The following DTWD2 variants were observed in gnomAD, a reference collection of about 807,000 sequenced individuals.
DTWD2 encodes tRNA-uridine aminocarboxypropyltransferase 2.
DTWD2 carries 39 observed loss-of-function variants against 31.8 expected under a neutral mutation model. The ratio of observed to expected loss-of-function variants is 1.22; its 90% CI spans 0.95 to 1.60. DTWD2 has a LOEUF of 1.60. Ranked by LOEUF, DTWD2 falls within the 40% of genes most tolerant of loss-of-function variation. The probability of loss-of-function intolerance (pLI) is 0.00; values close to 1 mark genes in which losing one functional copy is unlikely to be tolerated. For missense variants in DTWD2, 515 were observed against 381.5 expected (o/e 1.35, Z -2.92); for synonymous variants, 180 against 142.8 (o/e 1.26, Z -1.86).
chr5:118,896,006 C>T (rs571717034), intron 4 of DTWD2, among the ~76,000 whole-genome samples: 23 of 152,106 alleles, frequency 1.5e-4, no homozygotes, highest in African/African-American at 5.5e-4. Flanking sequence ...ATGTCATTTG[C>T]TGCTATTAAT....
intron 1 of DTWD2, among the ~76,000 whole-genome samples, chr5:118,980,637 A>C (rs1325167836): frequency 2.0e-5 from 3 of 152,266 alleles, no homozygotes; most frequent in Non-Finnish European, 4.4e-5. Context: ...TAAGATGGGC[A>C]TAATAAAATG....
intron 1 of DTWD2, among the ~76,000 whole-genome samples, chr5:118,957,171 A>G (rs1754605474): frequency 6.6e-6 from 1 of 152,166 alleles, no homozygotes; most frequent in African/African-American, 2.4e-5. Context: ...AGATTCTCTT[A>G]TAACTGGCTT....
chr5:118,854,482 A>G (rs1752085713), intron 4 of DTWD2, among the ~76,000 whole-genome samples: 1 of 152,062 alleles, frequency 6.6e-6, no homozygotes. Flanking sequence ...TTATGCCTCA[A>G]TTTAAAGTGA....
At chr5:118,954,800 C>T (rs1175613075) in intron 1 of DTWD2, among the ~76,000 whole-genome samples, 11 of 152,172 alleles carry the variant, frequency 7.2e-5, no homozygotes, top group Admixed American at 5.9e-4. Flanking sequence ...AAGTTACAGG[C>T]GTGAGCCACC....
intron 1 of DTWD2, among the ~76,000 whole-genome samples, chr5:118,968,515 C>T (rs986726684): frequency 6.6e-6 from 1 of 152,124 alleles, no homozygotes; most frequent in African/African-American, 2.4e-5. Flanking sequence ...GGTGGGGAGA[C>T]GGCCCCTTCT....
At chr5:118,845,932 A>G (rs921110379) in intron 5 of DTWD2, among the ~76,000 whole-genome samples, 4 of 152,314 alleles carry the variant, frequency 2.6e-5, no homozygotes, top group Middle Eastern at 3.4e-3. Context: ...TATGTCATCA[A>G]TAAATGCCTC....
At chr5:118,985,369 C>A (rs141217840) in intron 1 of DTWD2, among the ~76,000 whole-genome samples, 42 of 151,710 alleles carry the variant, frequency 2.8e-4, no homozygotes, top group African/African-American at 9.9e-4. Context: ...CTCCACCATA[C>A]AAACTTAGGG....
At chr5:118,912,336 A>G (rs760707211) in intron 4 of DTWD2, among the ~76,000 whole-genome samples, 6 of 152,226 alleles carry the variant, frequency 3.9e-5, no homozygotes, top group Non-Finnish European at 8.8e-5. Flanking sequence ...AGAACTGTAC[A>G]TAAGATAGAA....
intron 1 of DTWD2, among the ~76,000 whole-genome samples, chr5:118,985,823 CT>C (rs1755414553): frequency 6.6e-6 from 1 of 152,016 alleles, no homozygotes; most frequent in Non-Finnish European, 1.5e-5. Flanking sequence ...TCAGAAAACA[CT>C]TTTTGCTGTT....
chr5:118,952,257 A>C (rs1000855830), intron 1 of DTWD2, among the ~76,000 whole-genome samples: 1 of 152,222 alleles, frequency 6.6e-6, no homozygotes, highest in Admixed American at 6.5e-5. Flanking sequence ...AATCCGAGTC[A>C]CGGCACCAAA....
intron 4 of DTWD2, among the ~76,000 whole-genome samples, chr5:118,869,103 G>C (rs1190767848): frequency 2.0e-5 from 3 of 152,048 alleles, no homozygotes; most frequent in Admixed American, 1.3e-4. Context: ...AAGAGAAAAA[G>C]AGTTGCGAAA....
chr5:118,895,480 T>C (rs970364525), intron 4 of DTWD2, among the ~76,000 whole-genome samples: 1 of 152,118 alleles, frequency 6.6e-6, no homozygotes, highest in Non-Finnish European at 1.5e-5. Flanking sequence ...CAAATACTAA[T>C]GACATTCTTC....
intron 4 of DTWD2, among the ~76,000 whole-genome samples, chr5:118,919,435 G>T (rs1205270629): frequency 6.6e-6 from 1 of 152,126 alleles, no homozygotes; most frequent in Non-Finnish European, 1.5e-5. Flanking sequence ...GCTTCTTTAG[G>T]TCTACCACCT....
chr5:118,975,481 A>G (rs898944379), intron 1 of DTWD2, among the ~76,000 whole-genome samples: 1 of 152,076 alleles, frequency 6.6e-6, no homozygotes, highest in Non-Finnish European at 1.5e-5. Flanking sequence ...ATGCTCCTTT[A>G]GCTCGGAGGA....
chr5:118,927,094 G>C (rs1418173546), intron 4 of DTWD2, among the ~76,000 whole-genome samples: 4 of 152,142 alleles, frequency 2.6e-5, no homozygotes, highest in Admixed American at 6.5e-5. Context: ...GACAAAGAGA[G>C]ACGGAGAGAG....
chr5:118,949,936 C>G (rs183657446), intron 1 of DTWD2, among the ~76,000 whole-genome samples: 2 of 152,094 alleles, frequency 1.3e-5, no homozygotes, highest in African/African-American at 2.4e-5. Context: ...AGCGGCCGGG[C>G]GCGATGGCTC....
chr5:118,958,698 CA>C (rs1229828757), intron 1 of DTWD2, among the ~76,000 whole-genome samples: 2 of 151,592 alleles, frequency 1.3e-5, no homozygotes, highest in Admixed American at 6.6e-5. Context: ...CAAAAATCCT[CA>C]AAAAAAATTA....
At chr5:118,960,489 T>G (rs1379654740) in intron 1 of DTWD2, among the ~76,000 whole-genome samples, 1 of 152,148 alleles carries the variant, frequency 6.6e-6, no homozygotes, top group Non-Finnish European at 1.5e-5. Flanking sequence ...GGAATGTAAA[T>G]TAGCTCAGAC....
chr5:118,858,168 A>G (rs1752181716), intron 4 of DTWD2, among the ~76,000 whole-genome samples: 2 of 151,644 alleles, frequency 1.3e-5, no homozygotes, highest in Non-Finnish European at 2.9e-5. Flanking sequence ...ATACTTTCAC[A>G]TGGCAAAAAA....
Sources: gnomAD v4.1 joint callset for allele counts (sites outside exome capture counted in the v4.1 genomes callset) on GRCh38, gnomAD v4.1.1 for gene constraint, MANE v1.5 for transcripts, NCBI Gene and HGNC (gene_info 2026-07-23, HGNC 2026-07-21) for gene names.